CSMD1: variants seen among roughly 807,000 people sequenced by gnomAD.
The protein encoded by CSMD1 is CUB and sushi domain-containing protein 1.
Under a neutral mutation model 417.5 loss-of-function variants are expected in CSMD1, and 213 were observed. The ratio of observed to expected loss-of-function variants is 0.51; its 90% CI spans 0.46 to 0.57. The LOEUF (loss-of-function observed/expected upper bound fraction) is 0.57, where lower values mean the gene tolerates loss of function less well. Among genes scored for constraint, CSMD1 ranks in the 20% least tolerant of loss-of-function variants. The probability of loss-of-function intolerance (pLI) is 0.00; values close to 1 mark genes in which losing one functional copy is unlikely to be tolerated. For synonymous variants in CSMD1, 2,862 were observed against 1,736.8 expected, an observed-to-expected ratio of 1.65 and a Z score of -16.11; for missense variants, 6,923 against 4,529.7, an observed-to-expected ratio of 1.53 and a Z score of -15.17.
chr8:4,724,791 T>C (rs1314277497), intron 1 of CSMD1, among the ~76,000 whole-genome samples: 1 of 152,130 alleles, frequency 6.6e-6, no homozygotes, highest in Admixed American at 6.6e-5. Flanking sequence ...CATAGCCTTG[T>C]AGTATGAATC....
At chr8:3,487,075 G>T (rs530687478) in intron 11 of CSMD1, among the ~76,000 whole-genome samples, 10 of 152,158 alleles carry the variant, frequency 6.6e-5, no homozygotes, top group African/African-American at 2.4e-4. Flanking sequence ...TACTAACCAG[G>T]CCAAGTAACC....
intron 1 of CSMD1, among the ~76,000 whole-genome samples, chr8:4,698,807 G>A (rs1030218861): frequency 1.3e-5 from 2 of 151,462 alleles, no homozygotes; most frequent in African/African-American, 4.9e-5. Context: ...CTTATAACCT[G>A]AGACTGATTT....
intron 1 of CSMD1, among the ~76,000 whole-genome samples, chr8:4,822,535 C>T (rs908773714): frequency 6.6e-6 from 1 of 152,006 alleles, no homozygotes; most frequent in African/African-American, 2.4e-5. Flanking sequence ...GCAGTTATCC[C>T]ACCTGTGACT....
chr8:3,931,621 CAG>C (rs1810151578), intron 5 of CSMD1, among the ~76,000 whole-genome samples: 1 of 148,994 alleles, frequency 6.7e-6, no homozygotes, highest in Non-Finnish European at 1.5e-5. Flanking sequence ...GAGTTAGAGA[CAG>C]AGAAAAGTGC....
intron 2 of CSMD1, among the ~76,000 whole-genome samples, chr8:4,607,930 G>A (rs926031359): frequency 6.6e-6 from 1 of 152,092 alleles, no homozygotes; most frequent in Non-Finnish European, 1.5e-5. Flanking sequence ...CTAGTGTTGA[G>A]GTCTCACTGA....
chr8:4,045,523 G>A (rs1418643831), intron 3 of CSMD1, among the ~76,000 whole-genome samples: 1 of 152,122 alleles, frequency 6.6e-6, no homozygotes, highest in African/African-American at 2.4e-5. Flanking sequence ...GACATCATGG[G>A]GCCCTGTGGG....
intron 3 of CSMD1, among the ~76,000 whole-genome samples, chr8:4,335,428 A>C (rs750098585): frequency 6.6e-6 from 1 of 152,128 alleles, no homozygotes; most frequent in Non-Finnish European, 1.5e-5. Context: ...AACACACCAG[A>C]AACTCGTTAC....
intron 10 of CSMD1, among the ~76,000 whole-genome samples, chr8:3,566,811 C>T (rs938749315): frequency 2.6e-5 from 4 of 152,146 alleles, no homozygotes; most frequent in Non-Finnish European, 5.9e-5. Flanking sequence ...GAAAAAGGAA[C>T]ACTTATACAC....
intron 19 of CSMD1, among the ~76,000 whole-genome samples, chr8:3,367,749 T>C (rs576110113): frequency 1.6e-4 from 25 of 152,260 alleles, no homozygotes; most frequent in Admixed American, 6.5e-4. Context: ...ATGGAGATTA[T>C]AGATGTAGTT....
intron 1 of CSMD1, among the ~76,000 whole-genome samples, chr8:4,894,114 C>T (rs1275763525): frequency 6.6e-6 from 1 of 152,004 alleles, no homozygotes; most frequent in Non-Finnish European, 1.5e-5. Context: ...GGCCTGCGCA[C>T]TGTATCCCAT....
intron 3 of CSMD1, among the ~76,000 whole-genome samples, chr8:4,378,579 G>C (rs1288321977): frequency 6.6e-6 from 1 of 152,112 alleles, no homozygotes; most frequent in Non-Finnish European, 1.5e-5. Flanking sequence ...TCTTCAATAA[G>C]TTTCAAATAC....
chr8:3,647,206 T>C (rs1797619381), intron 7 of CSMD1, among the ~76,000 whole-genome samples: 2 of 152,142 alleles, frequency 1.3e-5, no homozygotes, highest in African/African-American at 4.8e-5. Flanking sequence ...ACCTGCACTC[T>C]TTAAAAATAT....
intron 7 of CSMD1, among the ~76,000 whole-genome samples, chr8:3,670,563 G>T (rs73181200): frequency 2.9e-5 from 4 of 137,226 alleles, no homozygotes; most frequent in South Asian, 2.3e-4. Flanking sequence ...ATATATATGC[G>T]ATATATATAT....
chr8:4,942,240 T>C (rs1010566953), intron 1 of CSMD1, among the ~76,000 whole-genome samples: 1 of 152,140 alleles, frequency 6.6e-6, no homozygotes, highest in African/African-American at 2.4e-5. Context: ...TCTTATTTTT[T>C]CCCTGTTCTG....
chr8:2,974,607 G>C lies in CSMD1; in HGVS notation c.8584C>G (p.Pro2862Ala). 14 of 1,607,094 alleles carry C rather than the reference G, an allele frequency of 8.7e-6. No homozygotes were observed. Among genetic ancestry groups the C allele is most frequent in the Non-Finnish European group, 1.2e-5 (14 of 1,176,622 alleles). ...AGGACGGCGTTGGCAGGGACCCCTG[G>C]GTGTCCACACGATATAGCTTCAGAA... ...PKCLAISCGH[P>A]GVPANAVLTG... Residue 2862 changes from proline to alanine, a missense_variant, in exon 56 of 70, where the codon CCA becomes GCA. Coordinates refer to ENST00000635120, the MANE Select transcript of CSMD1 (RefSeq NM_033225.6).
chr8:4,296,422 A>C (rs1797684359), intron 3 of CSMD1, among the ~76,000 whole-genome samples: 1 of 152,190 alleles, frequency 6.6e-6, no homozygotes, highest in Non-Finnish European at 1.5e-5. Context: ...TTATCACAAG[A>C]GTGTGAGATA....
intron 26 of CSMD1, among the ~76,000 whole-genome samples, chr8:3,239,496 G>A (rs1205560227): frequency 1.4e-4 from 21 of 152,170 alleles, no homozygotes; most frequent in African/African-American, 3.6e-4. Flanking sequence ...TTGCTGACTC[G>A]GGGCATGTTG....
intron 26 of CSMD1, among the ~76,000 whole-genome samples, chr8:3,246,564 C>T (rs948341051): frequency 2.0e-5 from 3 of 152,224 alleles, no homozygotes; most frequent in East Asian, 3.9e-4. Flanking sequence ...CGCCACCTCC[C>T]GTGTTCAAGG....
At position 3,796,268 on chromosome 8, in the gene CSMD1, G is replaced by GT. The variant is rs1800113108; in HGVS notation, c.819-42227_819-42226insA. On this transcript the variant is annotated intron_variant, in intron 5 of 69. Transcript: ENST00000635120. ...TATATATCTATCATGTATAGATATA[G>GT]ATATATATCTATCATGTATAGATAT... Among the ~76,000 whole-genome samples, 3 of 25,068 alleles carry GT rather than the reference G, an allele frequency of 1.2e-4. No individual in the cohort carries two copies. The Admixed American group carries it at 1.4e-3, about 12-fold the overall frequency. 16.4% of individuals were successfully genotyped at this position (25,068 alleles called of 152,430 possible).
Sources: gnomAD v4.1 joint callset for allele counts (sites outside exome capture counted in the v4.1 genomes callset) on GRCh38, gnomAD v4.1.1 for gene constraint, MANE v1.5 for transcripts, NCBI Gene and HGNC (gene_info 2026-07-23, HGNC 2026-07-21) for gene names.